TAF2: variants seen among roughly 807,000 people sequenced by gnomAD.
TAF2 encodes the protein transcription initiation factor TFIID subunit 2.
Under a neutral mutation model 138.5 loss-of-function variants are expected in TAF2, and 61 were observed. That is an observed-to-expected ratio of 0.44 (90% confidence interval 0.36 to 0.54). TAF2 has a LOEUF of 0.54. Ranked by LOEUF, TAF2 falls within the 20% of genes least tolerant of loss-of-function variation. TAF2 has a pLI of 0.00. For missense variants in TAF2, 1,090 were observed against 1,427.9 expected (o/e 0.76, Z 3.81); for synonymous variants, 475 against 469.9 (o/e 1.01, Z -0.14).
chr8:119,822,545 A>G (rs1451855416), intron 2 of TAF2, among the ~76,000 whole-genome samples: 1 of 152,172 alleles, frequency 6.6e-6, no homozygotes, highest in Non-Finnish European at 1.5e-5. Context: ...TTTGTAACAC[A>G]AGTCTGCCAT....
At chr8:119,818,732 CCACACACACACACACACA>C (rs199991010) in intron 3 of TAF2, among the ~76,000 whole-genome samples, 2 of 110,900 alleles carry the variant, frequency 1.8e-5, no homozygotes, top group Non-Finnish European at 3.6e-5. Flanking sequence ...AAAATGAAGT[CCACACACACACACACACA>C]CACACACACA....
intron 2 of TAF2, among the ~76,000 whole-genome samples, chr8:119,820,948 T>A (rs906575491): frequency 1.3e-5 from 2 of 152,234 alleles, no homozygotes; most frequent in African/African-American, 2.4e-5. Flanking sequence ...TGTCATCCAA[T>A]GACCATTCTA....
rs537584217 is a variant in TAF2 at position 119,795,944 on chromosome 8, T to C, written c.1092-313A>G. Among the ~76,000 whole-genome samples, 3 of 152,260 alleles carry C rather than the reference T, an allele frequency of 2.0e-5. No homozygotes were observed. In the South Asian group the frequency reaches 6.2e-4, roughly 32 times the overall value. On this transcript the variant is annotated intron_variant, in intron 8 of 25. Coordinates refer to ENST00000378164, the MANE Select transcript of TAF2 (RefSeq NM_003184.4). ...TGCCCAACTCTGTTCTTACTGTCTC[T>C]GCCTCTAAGGAAATACTTGCTCATA...
intron 22 of TAF2, among the ~76,000 whole-genome samples, chr8:119,753,308 T>G (rs922201552): frequency 6.6e-6 from 1 of 152,210 alleles, no homozygotes; most frequent in Non-Finnish European, 1.5e-5. Context: ...TATATTACTT[T>G]TGCCATTAAA....
intron 18 of TAF2, among the ~76,000 whole-genome samples, chr8:119,769,368 G>C (rs1821667235): frequency 6.6e-6 from 1 of 152,140 alleles, no homozygotes; most frequent in African/African-American, 2.4e-5. Flanking sequence ...AACAGCTACA[G>C]ATGAGAAGGA....
chr8:119,753,433 T>C (rs1488549112), intron 22 of TAF2, among the ~76,000 whole-genome samples: 2 of 152,206 alleles, frequency 1.3e-5, no homozygotes, highest in Admixed American at 6.5e-5. Flanking sequence ...CGGTATCTAT[T>C]GTCCAATGTT....
chr8:119,787,925 C>T (rs1823137673), intron 14 of TAF2, among the ~76,000 whole-genome samples: 1 of 152,216 alleles, frequency 6.6e-6, no homozygotes, highest in African/African-American at 2.4e-5. Flanking sequence ...AGAATGAGTT[C>T]ATGTCCTTTG....
At chr8:119,805,961 G>A (rs552267182) in intron 4 of TAF2, among the ~76,000 whole-genome samples, 108 of 151,738 alleles carry the variant, frequency 7.1e-4, no homozygotes, top group African/African-American at 2.4e-3. Flanking sequence ...TTGGAGTGCA[G>A]GGGTGCGATC....
At chr8:119,810,122 G>T (rs1390641571) in intron 3 of TAF2, among the ~76,000 whole-genome samples, 2 of 151,512 alleles carry the variant, frequency 1.3e-5, no homozygotes, top group African/African-American at 4.9e-5. Context: ...CTTTTTTGGG[G>T]GTGTACAGTT....
intron 10 of TAF2, 92 bp downstream of exon 10, chr8:119,793,274 T>C: frequency 9.2e-7 from 1 of 1,083,154 alleles, no homozygotes; most frequent in Non-Finnish European, 1.4e-6. Context: ...AAATAAATTC[T>C]GAGGTACAAT....
At chr8:119,805,936 ACT>A (rs1025236409) in intron 4 of TAF2, among the ~76,000 whole-genome samples, 20 of 148,766 alleles carry the variant, frequency 1.3e-4, no homozygotes, top group African/African-American at 4.0e-4. Flanking sequence ...ACGGAGTCTC[ACT>A]CTGTTGCACA....
At chr8:119,791,215 C>G in intron 11 of TAF2, 109 bp downstream of exon 11, 4 of 1,373,704 alleles carry the variant, frequency 2.9e-6, no homozygotes, top group Non-Finnish European at 4.0e-6. Context: ...AGTGGGCAAA[C>G]AAAACTATAA....
intron 12 of TAF2, 52 bp downstream of exon 12, chr8:119,789,540 C>T (rs1292839882): frequency 1.2e-6 from 2 of 1,605,144 alleles, no homozygotes; most frequent in Admixed American, 1.7e-5. Context: ...TCCCCTTGCA[C>T]ACATACCTTA....
At chr8:119,816,238 T>TA (rs1174589891) in intron 3 of TAF2, among the ~76,000 whole-genome samples, 1 of 151,556 alleles carries the variant, frequency 6.6e-6, no homozygotes, top group Non-Finnish European at 1.5e-5. Flanking sequence ...TTTTTTTTTT[T>TA]AGTAGAGATG....
chr8:119,733,167 C>G (rs573714157), intron 25 of TAF2, among the ~76,000 whole-genome samples: 2 of 152,266 alleles, frequency 1.3e-5, no homozygotes, highest in South Asian at 4.1e-4. Flanking sequence ...TTTGTGCCAT[C>G]TGGAGAACAA....
intron 3 of TAF2, among the ~76,000 whole-genome samples, chr8:119,817,649 T>C (rs953156407): frequency 1.3e-5 from 2 of 152,178 alleles, no homozygotes; most frequent in Non-Finnish European, 2.9e-5. Flanking sequence ...TAACAGATTA[T>C]CCTGAGACCT....
At chr8:119,754,323 G>C (rs1028871255) in intron 22 of TAF2, among the ~76,000 whole-genome samples, 23 of 152,178 alleles carry the variant, frequency 1.5e-4, no homozygotes, top group Non-Finnish European at 3.2e-4. Flanking sequence ...AGCTACTAAT[G>C]AGATAGGCAG....
intron 1 of TAF2, 96 bp downstream of exon 1, chr8:119,832,386 G>A: frequency 8.6e-7 from 1 of 1,161,066 alleles, no homozygotes; most frequent in Non-Finnish European, 1.3e-6. Flanking sequence ...TTCCCACTAG[G>A]TTTCCCAGGC....
chr8:119,778,306 A>G (rs529759054), intron 17 of TAF2, among the ~76,000 whole-genome samples, 177 bp from the exon 18 acceptor site: 175 of 152,292 alleles, frequency 1.1e-3, no homozygotes, highest in African/African-American at 3.8e-3. Context: ...GCATTCTAAC[A>G]TAAGAGAAGA....
Sources: gnomAD v4.1 joint callset for allele counts (sites outside exome capture counted in the v4.1 genomes callset) on GRCh38, gnomAD v4.1.1 for gene constraint, MANE v1.5 for transcripts, NCBI Gene and HGNC (gene_info 2026-07-23, HGNC 2026-07-21) for gene names.